CTBP1: variants seen among roughly 807,000 people sequenced by gnomAD.
CTBP1 encodes the protein C-terminal-binding protein 1.
In CTBP1, 11 loss-of-function variants were observed where a neutral mutation model predicts 42.1. That is an observed-to-expected ratio of 0.26 (90% confidence interval 0.16 to 0.43). The LOEUF is 0.43. Among genes scored for constraint, CTBP1 ranks in the 20% least tolerant of loss-of-function variants. CTBP1 has a pLI of 1.00. For missense variants in CTBP1, 399 were observed against 624.3 expected (o/e 0.64, Z 3.85); for synonymous variants, 324 against 277.1 (o/e 1.17, Z -1.68).
At chr4:1,240,225 C>T (rs1280322340) in intron 2 of CTBP1, among the ~76,000 whole-genome samples, 5 of 128,330 alleles carry the variant, frequency 3.9e-5, no homozygotes, top group Non-Finnish European at 8.1e-5. Flanking sequence ...GGTCCCTCGT[C>T]GGAACCGTGT....
rs11937232 is a variant in CTBP1 at position 1,213,809 on chromosome 4, G to A, written c.861-204C>T. 2.9e-3 allele frequency: 1,735 copies of A among 600,588 alleles called. 5 individuals carry two copies. The highest frequency in any genetic ancestry group is 4.1e-3 in the Non-Finnish European group (1,486 of 362,998). The allele number at this position is 600,588 out of a possible 1,614,324, so 37.2% of individuals were successfully genotyped here. A position where few individuals can be genotyped will look rare whatever the true frequency, so the allele number is the denominator to read the frequency against. ...ACACCAGGGGCTCCTGACAGCGGCGGGTGTGGGAGCCCAAGGGATTTAATC... is the reference window on the plus strand; with the variant it reads ...ACACCAGGGGCTCCTGACAGCGGCGAGTGTGGGAGCCCAAGGGATTTAATC... On this transcript the variant is annotated intron_variant, in intron 7 of 9. Coordinates refer to ENST00000382952, the MANE Select transcript of CTBP1 (RefSeq NM_001012614.2).
At chr4:1,224,353 C>T (rs571554362) in intron 5 of CTBP1, among the ~76,000 whole-genome samples, 114 of 151,356 alleles carry the variant, frequency 7.5e-4, no homozygotes, top group African/African-American at 2.6e-3. Flanking sequence ...GTGGGGTCCA[C>T]GTGTGTGCTG....
rs3755938 is a variant in CTBP1 at position 1,239,122 on chromosome 4, C to T, written c.8-785G>A. 7.2e-5 allele frequency among the ~76,000 whole-genome samples: 11 copies of T among 152,368 alleles called. No homozygotes were observed. The East Asian group carries it at 2.1e-3, about 29-fold the overall frequency. ...CTCTGTGCCCCTGACCTTCCCAGAA[C>T]CAGATGATTAAAGCTCATTAACACC... On this transcript the variant is annotated intron_variant, in intron 2 of 9. Transcript: ENST00000382952.
At chr4:1,247,571 C>A (rs988177012) in intron 1 of CTBP1, among the ~76,000 whole-genome samples, 1 of 152,164 alleles carries the variant, frequency 6.6e-6, no homozygotes, top group African/African-American at 2.4e-5. Flanking sequence ...TCCTCAGCTG[C>A]AACGGCAAAT....
chr4:1,213,073 G>C (rs372078683), intron 8 of CTBP1, 43 bp from the exon 9 acceptor site: 14 of 1,564,948 alleles, frequency 8.9e-6, no homozygotes, highest in Middle Eastern at 1.7e-4. Context: ...CTCTGAGGGG[G>C]CCCCAGGAGC....
chr4:1,220,254 G>A (rs564538920), intron 5 of CTBP1, among the ~76,000 whole-genome samples: 219 of 146,410 alleles, frequency 1.5e-3, no homozygotes, highest in African/African-American at 5.2e-3. Context: ...TCACGCCACT[G>A]TACTCCAGCC....
Position 1,248,906 on chromosome 4 carries a change from G to T in CTBP1, c.-189+10C>A. The T allele has an allele frequency of 1.0e-6, 1 of 978,288 alleles. No individual in the cohort carries two copies. The highest frequency in any genetic ancestry group is 1.2e-6 in the Non-Finnish European group (1 of 823,192). 60.6% of individuals were successfully genotyped at this position (978,288 alleles called of 1,614,324 possible). On this transcript the variant is annotated intron_variant, in intron 1 of 9. Coordinates refer to ENST00000382952, the MANE Select transcript of CTBP1 (RefSeq NM_001012614.2). ...CCCGCGGCCGGAAACGCGCGCGCGCGCGGCCTTACCAAGCGGCAGGCCCTT... is the reference window on the plus strand; with the variant it reads ...CCCGCGGCCGGAAACGCGCGCGCGCTCGGCCTTACCAAGCGGCAGGCCCTT...
chr4:1,238,248 T>A lies in CTBP1; in HGVS notation c.97A>T (p.Ile33Phe). The change falls in exon 3 of 10, where the codon ATC becomes TTC. Residue 33 changes from isoleucine (I) to phenylalanine (F), a missense_variant. Transcript: ENST00000382952. This position sits in a 1 kb window ranked among gnomAD's most constrained non-coding sequence, Gnocchi z 5.9. Reference sequence around the variant, plus strand: ...GCCACAGTGGCCACGTCCTTCAGGATGGGCATCTCCACTGTGCAGTCCCGG... The same window carrying A: ...GCCACAGTGGCCACGTCCTTCAGGAAGGGCATCTCCACTGTGCAGTCCCGG... The part of the protein sequence containing the change: ...DGRDCTVEMP[I>F]LKDVATVAFC... 1 of 1,612,684 alleles carries A rather than the reference T, an allele frequency of 6.2e-7. No individual in the cohort carries two copies. The highest frequency in any genetic ancestry group is 8.5e-7 in the Non-Finnish European group (1 of 1,179,670).
chr4:1,223,535 G>T (rs1215827542), intron 5 of CTBP1: 1 of 455,368 alleles, frequency 2.2e-6, no homozygotes, highest in African/African-American at 2.0e-5. Context: ...GAAGCGGGGG[G>T]CCGGCCGGTC....
chr4:1,242,053 C>A (rs761067923), intron 1 of CTBP1: 13 of 987,828 alleles, frequency 1.3e-5, no homozygotes, highest in Non-Finnish European at 1.4e-5. Flanking sequence ...TGAGCCGCGC[C>A]GGCTCCACCT....
intron 1 of CTBP1, 79 bp from the exon 2 acceptor site, chr4:1,241,598 A>G: frequency 6.8e-7 from 1 of 1,471,832 alleles, no homozygotes. Context: ...GGAACGCCTC[A>G]GAAGTGGACC....
rs1203474930 is a variant in CTBP1, at chr4:1,212,527, AC to A, written c.1107-105del. The A allele has an allele frequency of 9.2e-5, 93 of 1,012,644 alleles. No homozygotes were observed. The East Asian group carries it at 2.8e-3, about 30-fold the overall frequency. The allele number at this position is 1,012,644 out of a possible 1,614,324, so 62.7% of individuals were successfully genotyped here. The stretch of plus-strand genomic sequence containing the variant: ...GCACCGAGGGGGCCTCTCCAGGAGG[AC>A]CAGCAGTCAGGGTAAGGATCCCGGC... On this transcript the variant is annotated intron_variant, in intron 9 of 9. Coordinates refer to ENST00000382952, the MANE Select transcript of CTBP1 (RefSeq NM_001012614.2).
intron 3 of CTBP1, among the ~76,000 whole-genome samples, chr4:1,232,131 C>T (rs1731026567): frequency 6.6e-6 from 1 of 152,228 alleles, no homozygotes; most frequent in African/African-American, 2.4e-5. Context: ...GCAGCCTTGA[C>T]CTCCTAGGCT....
chr4:1,214,315 AG>A (rs761945570), intron 7 of CTBP1, 27 bp downstream of exon 7: 7 of 1,527,248 alleles, frequency 4.6e-6, no homozygotes, highest in East Asian at 2.6e-5. Flanking sequence ...AGGGAAGAGC[AG>A]GGGGGCGGCA....
chr4:1,216,307 A>G, intron 5 of CTBP1, 102 bp from the exon 6 acceptor site: 1 of 1,184,774 alleles, frequency 8.4e-7, no homozygotes, highest in Non-Finnish European at 1.2e-6. Context: ...CAGTTTGACC[A>G]TCTGCCAAGG....
intron 9 of CTBP1, chr4:1,212,672 C>T (rs182848018): frequency 4.8e-5 from 29 of 609,348 alleles, no homozygotes; most frequent in African/African-American, 3.7e-4. Context: ...CCTCCTCCCA[C>T]AGGCCCCGTG....
At chr4:1,227,653 T>C (rs2046151) in intron 4 of CTBP1, among the ~76,000 whole-genome samples, 115,126 of 148,050 alleles carry the variant, frequency 0.78, 45,391 homozygotes, top group South Asian at 0.9. Context: ...TGCATGTGCA[T>C]GGGTGCAGAT....
chr4:1,237,501 C>T (rs1405764064), intron 3 of CTBP1: 12 of 655,824 alleles, frequency 1.8e-5, no homozygotes, highest in South Asian at 4.6e-5. Context: ...GGGAAAACCC[C>T]GTGTCCACCT....
At chr4:1,245,328 C>T in intron 1 of CTBP1, 8 of 985,460 alleles carry the variant, frequency 8.1e-6, no homozygotes, top group Non-Finnish European at 9.6e-6. Flanking sequence ...CCTGTTTGTT[C>T]AGCGAGCACA....
Sources: gnomAD v4.1 joint callset for allele counts (sites outside exome capture counted in the v4.1 genomes callset) on GRCh38, gnomAD v4.1.1 for gene constraint, Gnocchi (gnomAD v3.1) non-coding constraint, MANE v1.5 for transcripts, NCBI Gene and HGNC (gene_info 2026-07-23, HGNC 2026-07-21) for gene names.